CUL3: variants seen among roughly 807,000 people sequenced by gnomAD.
CUL3 encodes cullin-3.
A neutral mutation model predicts 89.1 loss-of-function variants in CUL3; 19 were observed. The observed-to-expected ratio is 0.21, with a 90% CI of 0.15 to 0.31. The LOEUF (loss-of-function observed/expected upper bound fraction) is 0.31, where lower values mean the gene tolerates loss of function less well. CUL3 is among the 10% of genes least tolerant of loss of function. CUL3 has a pLI of 1.00. For synonymous variants in CUL3, 351 were observed against 308.4 expected, an observed-to-expected ratio of 1.14 and a Z score of -1.45; for missense variants, 469 against 942.3, an observed-to-expected ratio of 0.50 and a Z score of 6.58.
chr2:224,573,594 T>G (rs1695233598), intron 1 of CUL3, among the ~76,000 whole-genome samples: 1 of 152,174 alleles, frequency 6.6e-6, no homozygotes, highest in Admixed American at 6.5e-5. Flanking sequence ...ATTCTTTTTG[T>G]AAAGAGAGTA....
At chr2:224,514,552 A>G (rs965522567) in intron 4 of CUL3, 60 bp downstream of exon 4, 7 of 1,356,280 alleles carry the variant, frequency 5.2e-6, no homozygotes, top group Admixed American at 2.1e-5. Flanking sequence ...AAGACAGTGA[A>G]TCGTTCTCAA....
rs537457130 is a variant in CUL3, at chr2:224,470,644, G to T, written c.*3601C>A. ...CTTAAGTATGTAAAACTTTCTCTAA[G>T]ATTGTAGGAGACAAAGCGCCTATTT... On this transcript the variant is annotated 3_prime_UTR_variant, in exon 16 of 16. Coordinates refer to ENST00000264414, the MANE Select transcript of CUL3 (RefSeq NM_003590.5). 1.3e-5 allele frequency: 3 copies of T among 231,814 alleles called. No individual in the cohort carries two copies. Among genetic ancestry groups the T allele is most frequent in the East Asian group, 1.2e-4 (2 of 16,296 alleles). 14.4% of individuals were successfully genotyped at this position (231,814 alleles called of 1,614,324 possible).
intron 3 of CUL3, among the ~76,000 whole-genome samples, chr2:224,516,664 T>G (rs970951383): frequency 7.3e-5 from 11 of 151,510 alleles, no homozygotes; most frequent in African/African-American, 2.4e-4. Flanking sequence ...TTTGTTTTTT[T>G]TGAGAGGAAG....
chr2:224,558,871 A>ACCC lies in CUL3; in HGVS notation c.67-1016_67-1015insGGG, dbSNP rs1694812991. ...TCCTGGCTAATACGGTCTCTACTAAATATACAAAAAATATACTAAATATAC... is the reference window on the plus strand; with the variant it reads ...TCCTGGCTAATACGGTCTCTACTAAACCCTATACAAAAAATATACTAAATATAC... On this transcript the variant is annotated intron_variant, in intron 1 of 15. Coordinates refer to ENST00000264414, the MANE Select transcript of CUL3 (RefSeq NM_003590.5). 4.6e-4 allele frequency among the ~76,000 whole-genome samples: 5 copies of ACCC among 10,920 alleles called. No individual in the cohort carries two copies. In the African/African-American group the frequency reaches 6.6e-3, roughly 14 times the overall value. 7.2% of individuals were successfully genotyped at this position (10,920 alleles called of 152,430 possible). A position where few individuals can be genotyped will look rare whatever the true frequency, so the allele number is the denominator to read the frequency against.
chr2:224,566,232 C>T (rs528294471), intron 1 of CUL3, among the ~76,000 whole-genome samples: 47 of 152,312 alleles, frequency 3.1e-4, no homozygotes, highest in Admixed American at 1.0e-3. Flanking sequence ...TACTTCCTGA[C>T]GTCAGGGACA....
Position 224,495,975 on chromosome 2 carries a change from T to G in CUL3, c.1708-9A>C. ...ACTTCAGATCCATCTTCCTGTTTCA[T>G]TTTTAAAAAAATATAAACAAAGACA... On this transcript the variant is annotated splice_polypyrimidine_tract_variant and intron_variant, in intron 12 of 15. Transcript: ENST00000264414. The G allele has an allele frequency of 1.2e-6, 2 of 1,607,756 alleles. No individual in the cohort carries two copies. The highest frequency in any genetic ancestry group is 2.2e-5 in the South Asian group (2 of 89,828).
intron 1 of CUL3, among the ~76,000 whole-genome samples, chr2:224,571,056 C>T (rs1695169965): frequency 1.3e-5 from 2 of 152,044 alleles, no homozygotes; most frequent in Admixed American, 6.6e-5. Flanking sequence ...ATGACCACAA[C>T]AAATAAGATA....
intron 3 of CUL3, among the ~76,000 whole-genome samples, chr2:224,520,634 T>C (rs1053077661): frequency 1.3e-5 from 2 of 152,182 alleles, no homozygotes; most frequent in African/African-American, 4.8e-5. Context: ...TGGAGAGAGA[T>C]GGAGTCTTTC....
At chr2:224,540,736 G>A (rs1694072781) in intron 2 of CUL3, among the ~76,000 whole-genome samples, 1 of 152,136 alleles carries the variant, frequency 6.6e-6, no homozygotes, top group South Asian at 2.1e-4. Context: ...GAACGTGCAG[G>A]TTTGTTACAT....
chr2:224,513,712 T>A (rs1692927295), intron 4 of CUL3, 74 bp from the exon 5 acceptor site: 8 of 1,010,274 alleles, frequency 7.9e-6, no homozygotes, highest in Non-Finnish European at 1.2e-5. Flanking sequence ...CAAAAAGGAG[T>A]AGGTAAAAAT....
rs1691158403 is a variant in CUL3, at chr2:224,472,308, A to G, written c.*1937T>C. The G allele has an allele frequency of 4.7e-6, 1 of 212,074 alleles. No homozygotes were observed. The highest frequency in any genetic ancestry group is 1.9e-4 in the South Asian group (1 of 5,328). The allele number at this position is 212,074 out of a possible 1,614,324, so 13.1% of individuals were successfully genotyped here. A position where few individuals can be genotyped will look rare whatever the true frequency, so the allele number is the denominator to read the frequency against. On this transcript the variant is annotated 3_prime_UTR_variant, in exon 16 of 16. Coordinates refer to ENST00000264414, the MANE Select transcript of CUL3 (RefSeq NM_003590.5). ...CTAGCACTAAAATGTTTAATGTCTC[A>G]CTTAGGAGATTTCAAATAAAGTTTT...
intron 5 of CUL3, 24 bp downstream of exon 5, chr2:224,513,496 ATTAT>A: frequency 2.3e-6 from 3 of 1,309,926 alleles, no homozygotes; most frequent in African/African-American, 1.5e-5. Flanking sequence ...ATCTTAAAAG[ATTAT>A]TTATTTACAT....
chr2:224,504,084 A>G, intron 8 of CUL3: 1 of 296,294 alleles, frequency 3.4e-6, no homozygotes, highest in Non-Finnish European at 6.3e-6. Flanking sequence ...TGGAGGCATA[A>G]GGTAATATAG....
At chr2:224,580,457 G>A (rs1559247544) in intron 1 of CUL3, among the ~76,000 whole-genome samples, 1 of 152,206 alleles carries the variant, frequency 6.6e-6, no homozygotes, top group Non-Finnish European at 1.5e-5. Flanking sequence ...ACAGCGGTGG[G>A]CTGATCACCT....
intron 1 of CUL3, 66 bp downstream of exon 1, chr2:224,584,878 G>C (rs1233893971): frequency 7.8e-7 from 1 of 1,279,966 alleles, no homozygotes; most frequent in Non-Finnish European, 1.1e-6. Flanking sequence ...CTTCAGCCCG[G>C]GCCTCGCGTG....
At chr2:224,477,517 T>C (rs1019648301) in intron 15 of CUL3, among the ~76,000 whole-genome samples, 3 of 152,220 alleles carry the variant, frequency 2.0e-5, no homozygotes, top group Admixed American at 1.3e-4. Context: ...CTCATGTCTA[T>C]TGTCTTCCAC....
chr2:224,581,463 T>C (rs1464727942), intron 1 of CUL3, among the ~76,000 whole-genome samples: 1 of 151,802 alleles, frequency 6.6e-6, no homozygotes, highest in South Asian at 2.1e-4. Flanking sequence ...TGTATACATA[T>C]ATCAAAACAT....
intron 6 of CUL3, among the ~76,000 whole-genome samples, chr2:224,507,426 G>T (rs1692642602): frequency 6.6e-6 from 1 of 152,102 alleles, no homozygotes; most frequent in South Asian, 2.1e-4. Context: ...AGAGGTAATT[G>T]GTAGTCCCTG....
At chr2:224,578,342 C>A (rs1165721956) in intron 1 of CUL3, among the ~76,000 whole-genome samples, 1 of 152,036 alleles carries the variant, frequency 6.6e-6, no homozygotes, top group Admixed American at 6.5e-5. Context: ...TTTTTAACAG[C>A]AGCATATACA....
Sources: gnomAD v4.1 joint callset for allele counts (sites outside exome capture counted in the v4.1 genomes callset) on GRCh38, gnomAD v4.1.1 for gene constraint, MANE v1.5 for transcripts, NCBI Gene and HGNC (gene_info 2026-07-23, HGNC 2026-07-21) for gene names.